The following RAC2 variants were observed in gnomAD, a reference collection of about 807,000 sequenced individuals.
RAC2 encodes the protein Rac family small GTPase 2.
Under a neutral mutation model 24.0 loss-of-function variants are expected in RAC2, and 1 was observed. The observed-to-expected ratio is 0.04, with a 90% CI of 0.01 to 0.20. The LOEUF is 0.20. RAC2 is among the 10% of genes least tolerant of loss of function. The probability of loss-of-function intolerance (pLI) is 1.00; values close to 1 mark genes in which losing one functional copy is unlikely to be tolerated. For synonymous variants in RAC2, 114 were observed against 106.8 expected (o/e 1.07, Z -0.41); for missense variants, 130 against 259.1 (o/e 0.50, Z 3.42).
At chr22:37,232,540 C>T (rs1927097862) in intron 3 of RAC2, 1 of 527,280 alleles carries the variant, frequency 1.9e-6, no homozygotes, top group Non-Finnish European at 3.4e-6. Flanking sequence ...TGCCCCACCA[C>T]TGGAAACAGG....
intron 2 of RAC2, among the ~76,000 whole-genome samples, chr22:37,238,949 G>A (rs931750291): frequency 1.3e-5 from 2 of 152,298 alleles, no homozygotes; most frequent in Middle Eastern, 3.4e-3. Flanking sequence ...ATCTGATCTT[G>A]TATCTGCAGC....
At chr22:37,241,738 A>G (rs2145831424) in intron 1 of RAC2, 80 bp from the exon 2 acceptor site, 1 of 1,314,464 alleles carries the variant, frequency 7.6e-7, no homozygotes, top group African/African-American at 1.5e-5. Flanking sequence ...GGTCCTCTGC[A>G]AAGACCTCAG....
At chr22:37,228,921 T>C (rs920732103) in intron 5 of RAC2, among the ~76,000 whole-genome samples, 2 of 152,138 alleles carry the variant, frequency 1.3e-5, no homozygotes, top group African/African-American at 4.8e-5. Context: ...TGGGCAGTGG[T>C]TGTCATGGGG....
chr22:37,238,475 A>G (rs1927300802), intron 2 of RAC2, among the ~76,000 whole-genome samples: 1 of 152,130 alleles, frequency 6.6e-6, no homozygotes, highest in Admixed American at 6.5e-5. Context: ...CATGGGCTCA[A>G]GCGATCTGCC....
intron 2 of RAC2, chr22:37,241,137 TC>T (rs1294443640): frequency 1.3e-6 from 1 of 778,758 alleles, no homozygotes; most frequent in Non-Finnish European, 2.4e-6. Context: ...TGCCTCCGCA[TC>T]CTGCAATAGA....
chr22:37,240,402 C>T (rs932765259), intron 2 of RAC2, among the ~76,000 whole-genome samples: 3 of 152,236 alleles, frequency 2.0e-5, no homozygotes, highest in South Asian at 2.1e-4. Flanking sequence ...GGCTCAGCTT[C>T]CCCATGGGTG....
intron 2 of RAC2, among the ~76,000 whole-genome samples, chr22:37,240,207 G>A (rs1349128019): frequency 1.3e-5 from 2 of 152,144 alleles, no homozygotes; most frequent in African/African-American, 2.4e-5. Flanking sequence ...GAAGCATCTC[G>A]GCTCCAGGCT....
chr22:37,241,054 C>A (rs1462540899), intron 2 of RAC2: 4 of 726,012 alleles, frequency 5.5e-6, no homozygotes, highest in Non-Finnish European at 1.0e-5. Flanking sequence ...CAGGGAGGGG[C>A]TGGTGCCTCC....
At chr22:37,234,214 CA>C (rs1438328527) in intron 2 of RAC2, among the ~76,000 whole-genome samples, 1 of 152,218 alleles carries the variant, frequency 6.6e-6, no homozygotes, top group East Asian at 1.9e-4. Context: ...AGGGGCCTGA[CA>C]AATATCAGAG....
rs115890462 is a variant in RAC2, at chr22:37,242,393, A to G, written c.36-735T>C. ...GACCTATTAGGTTTGGTGAGAGGAT[A>G]AATAGAGAAGGCTAGATTAACCCCA... On this transcript the variant is annotated intron_variant, in intron 1 of 6. Transcript: ENST00000249071. Among the ~76,000 whole-genome samples the G allele has an allele frequency of 3.4e-3, 522 of 152,344 alleles. 5 individuals are homozygous for G. The highest frequency in any genetic ancestry group is 0.012 in the African/African-American group (502 of 41,582).
rs138891460 is a variant in RAC2 at position 37,231,526 on chromosome 22, C to T, written c.289-136G>A. On this transcript the variant is annotated intron_variant, in intron 4 of 6. Coordinates refer to ENST00000249071, the MANE Select transcript of RAC2 (RefSeq NM_002872.5). The surrounding 1 kb of genome is among the most constrained non-coding windows in gnomAD (Gnocchi z 5.5). Reference sequence around the variant, plus strand: ...GCCAGAAGATCAGAGGTGGGCACGACGGTGAGGAGAGAGAGACGTGAGGTG... The same window carrying T: ...GCCAGAAGATCAGAGGTGGGCACGATGGTGAGGAGAGAGAGACGTGAGGTG... 38 of 788,414 alleles carry T rather than the reference C, an allele frequency of 4.8e-5. No homozygotes were observed. The highest frequency in any genetic ancestry group is 3.6e-4 in the African/African-American group (21 of 58,402). 48.8% of individuals were successfully genotyped at this position (788,414 alleles called of 1,614,324 possible). A position where few individuals can be genotyped will look rare whatever the true frequency, so the allele number is the denominator to read the frequency against.
chr22:37,244,094 A>C lies in RAC2; in HGVS notation c.35+20T>G, dbSNP rs747917580. On this transcript the variant is annotated intron_variant, in intron 1 of 6. Coordinates refer to ENST00000249071, the MANE Select transcript of RAC2 (RefSeq NM_002872.5). ...GGCATCCCAGTTGGGGGCTGTGAGG[A>C]AGTCCAGCCAGGTACCTACCCATCT... is the stretch of plus-strand genomic sequence containing the variant. The C allele has an allele frequency of 6.4e-5, 103 of 1,614,066 alleles. No homozygotes were observed. Among genetic ancestry groups the C allele is most frequent in the South Asian group, 5.2e-4 (47 of 91,080 alleles).
rs981667253 is a variant in RAC2 at position 37,244,007 on chromosome 22, G to A, written c.35+107C>T. 28 of 1,475,432 alleles carry A rather than the reference G, an allele frequency of 1.9e-5. No homozygotes were observed. The Admixed American group carries it at 4.6e-4, about 24-fold the overall frequency. The allele number at this position is 1,475,432 out of a possible 1,614,324, so 91.4% of individuals were successfully genotyped here. On this transcript the variant is annotated intron_variant, in intron 1 of 6. Coordinates refer to ENST00000249071, the MANE Select transcript of RAC2 (RefSeq NM_002872.5). Reference sequence around the variant, plus strand: ...AGCGTCCCCTCCAAGCTGCCTTCCAGGGACGCCTAGTTCTGCAGGGCCAGG... The same window carrying A: ...AGCGTCCCCTCCAAGCTGCCTTCCAAGGACGCCTAGTTCTGCAGGGCCAGG...
At chr22:37,229,323 C>A (rs902372793) in intron 5 of RAC2, among the ~76,000 whole-genome samples, 5 of 152,094 alleles carry the variant, frequency 3.3e-5, no homozygotes, top group Non-Finnish European at 5.9e-5. Context: ...AGTGGAGGTG[C>A]AGGGAGGACA....
intron 1 of RAC2, among the ~76,000 whole-genome samples, chr22:37,242,606 G>A (rs1209746483): frequency 6.6e-6 from 1 of 152,138 alleles, no homozygotes; most frequent in African/African-American, 2.4e-5. Context: ...TCCTACCATC[G>A]CCCTCCCCTG....
At chr22:37,226,579 G>A (rs1342527281) in intron 6 of RAC2, 92 bp downstream of exon 6, 30 of 1,526,076 alleles carry the variant, frequency 2.0e-5, no homozygotes, top group Middle Eastern at 2.2e-4. Flanking sequence ...TTTCTGTCCT[G>A]GCCTAAATGC....
At chr22:37,230,137 G>GT (rs1358764509) in intron 5 of RAC2, among the ~76,000 whole-genome samples, 1 of 152,156 alleles carries the variant, frequency 6.6e-6, no homozygotes, top group Admixed American at 6.5e-5. Flanking sequence ...GTGAGCCATA[G>GT]TCTGAGGCCC....
chr22:37,236,097 G>A (rs992209437), intron 2 of RAC2, among the ~76,000 whole-genome samples: 5 of 152,232 alleles, frequency 3.3e-5, no homozygotes, highest in African/African-American at 1.2e-4. Flanking sequence ...CCCTGGGTGA[G>A]TGACCTAACT....
rs79443032 is a variant in RAC2 at position 37,236,026 on chromosome 22, C to A, written c.108-3108G>T. 5.3e-5 allele frequency among the ~76,000 whole-genome samples: 8 copies of A among 152,308 alleles called. No homozygotes were observed. The South Asian group carries it at 8.3e-4, about 16-fold the overall frequency. On this transcript the variant is annotated intron_variant, in intron 2 of 6. Transcript: ENST00000249071. Reference sequence around the variant, plus strand: ...AACTGAGGCCTGAAGAGGTCAAGGACCTTTCTTGTTGGGCGGGAACACAGA... The same window carrying A: ...AACTGAGGCCTGAAGAGGTCAAGGAACTTTCTTGTTGGGCGGGAACACAGA...
Sources: allele counts gnomAD v4.1 joint callset (sites outside exome capture counted in the v4.1 genomes callset), GRCh38; gene constraint gnomAD v4.1.1; non-coding constraint Gnocchi (gnomAD v3.1); transcripts MANE v1.5; gene names NCBI Gene and HGNC (gene_info 2026-07-23, HGNC 2026-07-21).